The following SPATA6 variants were observed in gnomAD, a reference collection of about 807,000 sequenced individuals.
The protein encoded by SPATA6 is spermatogenesis-associated protein 6.
Under a neutral mutation model 65.3 loss-of-function variants are expected in SPATA6, and 56 were observed. That is an observed-to-expected ratio of 0.86 (90% CI 0.69 to 1.07). SPATA6 has a LOEUF of 1.07. Among genes scored for constraint, SPATA6 ranks in the 50% least tolerant of loss-of-function variants. The pLI is 0.00. For missense variants in SPATA6, 590 were observed against 594.8 expected, an observed-to-expected ratio of 0.99 and a Z score of 0.08; for synonymous variants, 199 against 213.2, an observed-to-expected ratio of 0.93 and a Z score of 0.58.
chr1:48,427,902 C>A (rs1001344809), intron 3 of SPATA6, among the ~76,000 whole-genome samples: 2 of 152,114 alleles, frequency 1.3e-5, no homozygotes, highest in African/African-American at 4.8e-5. Context: ...TTTTTGAAAT[C>A]TCCAGTGTTT....
intron 11 of SPATA6, among the ~76,000 whole-genome samples, chr1:48,309,261 C>T (rs1645139151): frequency 6.6e-6 from 1 of 152,046 alleles, no homozygotes; most frequent in Non-Finnish European, 1.5e-5. Context: ...TTAATGGTAT[C>T]CCACAAATCC....
chr1:48,467,994 A>T (rs1570662697), intron 1 of SPATA6, among the ~76,000 whole-genome samples: 1 of 152,226 alleles, frequency 6.6e-6, no homozygotes, highest in South Asian at 2.1e-4. Flanking sequence ...CAAATAATTT[A>T]AAAAAAGAAA....
chr1:48,379,690 A>C (rs1348219368), intron 9 of SPATA6, among the ~76,000 whole-genome samples: 1 of 152,224 alleles, frequency 6.6e-6, no homozygotes, highest in Non-Finnish European at 1.5e-5. Flanking sequence ...TCAGTCATTC[A>C]CAGAGCACCC....
At position 48,323,417 on chromosome 1, in the gene SPATA6, G is replaced by A. The variant is rs1437986469; in HGVS notation, c.1195-17539C>T. ...GGAACATCACACACCAGGACCTGTCGAGGGGTGGGGGGCTGGGGGAGGGAT... is the reference window on the plus strand; with the variant it reads ...GGAACATCACACACCAGGACCTGTCAAGGGGTGGGGGGCTGGGGGAGGGAT... On this transcript the variant is annotated intron_variant, in intron 11 of 12. Transcript: ENST00000371847. 3.3e-5 allele frequency among the ~76,000 whole-genome samples: 5 copies of A among 151,324 alleles called. No homozygotes were observed. The South Asian group carries it at 6.3e-4, about 19-fold the overall frequency.
At chr1:48,278,533 A>C in the SPATA6 span, among the ~76,000 whole-genome samples, 1 of 152,268 alleles carries the variant, frequency 6.6e-6, no homozygotes, top group African/African-American at 2.4e-5. Context: ...TACATGAAGA[A>C]TGCAGAAGCC....
chr1:48,463,652 A>G (rs886134098), intron 1 of SPATA6, among the ~76,000 whole-genome samples: 1 of 152,088 alleles, frequency 6.6e-6, no homozygotes, highest in Non-Finnish European at 1.5e-5. Context: ...GAAGAAGGAA[A>G]AAGGGATTTT....
intron 9 of SPATA6, among the ~76,000 whole-genome samples, chr1:48,378,992 G>A (rs564341382): frequency 3.3e-5 from 5 of 152,180 alleles, no homozygotes; most frequent in Admixed American, 1.3e-4. Flanking sequence ...AATAAGATAG[G>A]CACAGAAAGA....
At chr1:48,415,646 A>G (rs1196461605) in intron 3 of SPATA6, among the ~76,000 whole-genome samples, 1 of 52,316 alleles carries the variant, frequency 1.9e-5, no homozygotes, top group East Asian at 3.2e-4. Flanking sequence ...AAAAGACTGA[A>G]AAAAAAAACC....
Position 48,399,624 on chromosome 1 carries a change from C to A in SPATA6, c.507G>T (p.Leu169Phe). Residue 169 changes from leucine to phenylalanine, a missense_variant, in exon 7 of 13, where the codon TTG becomes TTT. Transcript: ENST00000371847. The part of the protein sequence containing the change: ...CHTQDKFIYH[L>F]APVEKSHGRL... ...TGCCATGTGATTTTTCAACTGGAGC[C>A]AAATGGTAAATAAATTTATCCTAAA... The A allele has an allele frequency of 6.3e-7, 1 of 1,590,272 alleles. No individual in the cohort carries two copies. Among genetic ancestry groups the A allele is most frequent in the Non-Finnish European group, 8.6e-7 (1 of 1,168,198 alleles).
At chr1:48,266,257 T>C in the SPATA6 span, among the ~76,000 whole-genome samples, 1 of 152,180 alleles carries the variant, frequency 6.6e-6, no homozygotes, top group South Asian at 2.1e-4. Flanking sequence ...TACCACCTCT[T>C]AAAATCCAAC....
At chr1:48,466,435 A>G (rs1657811931) in intron 1 of SPATA6, among the ~76,000 whole-genome samples, 1 of 152,142 alleles carries the variant, frequency 6.6e-6, no homozygotes, top group Admixed American at 6.5e-5. Flanking sequence ...ATACACAAAT[A>G]CTTAGTAATA....
chr1:48,406,183 C>T (rs1414100198), intron 5 of SPATA6, among the ~76,000 whole-genome samples: 1 of 151,978 alleles, frequency 6.6e-6, no homozygotes, highest in Non-Finnish European at 1.5e-5. Context: ...GCCATGATCT[C>T]GCAACTGCAC....
chr1:48,339,579 A>G (rs1424321470), intron 11 of SPATA6, among the ~76,000 whole-genome samples: 3 of 152,054 alleles, frequency 2.0e-5, no homozygotes, highest in Non-Finnish European at 4.4e-5. Flanking sequence ...ATCTATAAAA[A>G]TGAATCAAGG....
intron 12 of SPATA6, among the ~76,000 whole-genome samples, chr1:48,300,249 A>G (rs529023758): frequency 6.6e-6 from 1 of 152,210 alleles, no homozygotes; most frequent in Non-Finnish European, 1.5e-5. Flanking sequence ...TTATTTTCTT[A>G]TATAAATAAT....
chr1:48,359,434 A>C (rs2148816378), intron 10 of SPATA6, 152 bp downstream of exon 10: 1 of 808,392 alleles, frequency 1.2e-6, no homozygotes, highest in Non-Finnish European at 1.8e-6. Context: ...ACATTATCTA[A>C]TATGTAATAT....
intron 3 of SPATA6, among the ~76,000 whole-genome samples, chr1:48,432,710 C>T (rs904742238): frequency 1.3e-5 from 2 of 152,064 alleles, no homozygotes; most frequent in Non-Finnish European, 2.9e-5. Context: ...TACAATGGAA[C>T]AGTATGGTAA....
At chr1:48,334,535 A>G (rs572637641) in intron 11 of SPATA6, among the ~76,000 whole-genome samples, 4 of 152,328 alleles carry the variant, frequency 2.6e-5, no homozygotes, top group African/African-American at 7.2e-5. Flanking sequence ...AACAAAAACC[A>G]TATGATTATA....
intron 3 of SPATA6, among the ~76,000 whole-genome samples, chr1:48,443,540 T>A (rs1179959257): frequency 6.6e-6 from 1 of 152,198 alleles, no homozygotes; most frequent in Non-Finnish European, 1.5e-5. Context: ...CAATCCCAAA[T>A]ACACTCTTTG....
At chr1:48,471,827 G>A in intron 1 of SPATA6, 131 bp downstream of exon 1, 2 of 1,059,538 alleles carry the variant, frequency 1.9e-6, no homozygotes, top group East Asian at 2.5e-5. Flanking sequence ...GACCGAAGGG[G>A]CGTGAGGTCG....
Sources: allele counts gnomAD v4.1 joint callset (sites outside exome capture counted in the v4.1 genomes callset), GRCh38; gene constraint gnomAD v4.1.1; transcripts MANE v1.5; gene names NCBI Gene and HGNC (gene_info 2026-07-23, HGNC 2026-07-21).